GRK3: variants seen among roughly 807,000 people sequenced by gnomAD.
GRK3 encodes the protein G protein-coupled receptor kinase 3, also known as adrenergic, beta, receptor kinase 2.
In GRK3, 54 loss-of-function variants were observed where a neutral mutation model predicts 95.7. That is an observed-to-expected ratio of 0.56 (90% CI 0.45 to 0.71). GRK3 has a LOEUF of 0.71. GRK3 is among the 30% of genes least tolerant of loss of function. The pLI is 0.00. For synonymous variants in GRK3, 281 were observed against 290.8 expected (o/e 0.97, Z 0.34); for missense variants, 649 against 851.2 (o/e 0.76, Z 2.96).
rs895350261 is a variant in GRK3 at position 25,694,878 on chromosome 22, A to G, written c.1053-229A>G. 3.3e-5 allele frequency among the ~76,000 whole-genome samples: 5 copies of G among 152,184 alleles called. No individual in the cohort carries two copies. The East Asian group carries it at 7.7e-4, about 23-fold the overall frequency. On this transcript the variant is annotated intron_variant, in intron 12 of 20. Coordinates refer to ENST00000324198, the MANE Select transcript of GRK3 (RefSeq NM_005160.4). Reference sequence around the variant, plus strand: ...ATGAGATCCCGAACTTGCATTTTACATATTTATTTCATACGCTTATTTATG... The same window carrying G: ...ATGAGATCCCGAACTTGCATTTTACGTATTTATTTCATACGCTTATTTATG...
At chr22:25,641,426 CA>C (rs1276175770) in intron 2 of GRK3, among the ~76,000 whole-genome samples, 1 of 152,174 alleles carries the variant, frequency 6.6e-6, no homozygotes, top group African/African-American at 2.4e-5. Context: ...TTGTTACAGT[CA>C]ATGCTCTTGT....
intron 3 of GRK3, chr22:25,647,496 C>G: frequency 7.1e-7 from 1 of 1,408,432 alleles, no homozygotes; most frequent in Admixed American, 1.7e-5. Context: ...CTTCCTCATT[C>G]TCAGTGGTGC....
chr22:25,718,293 T>G lies in GRK3; in HGVS notation c.1703T>G (p.Leu568Arg). The G allele has an allele frequency of 6.2e-7, 1 of 1,614,160 alleles. No homozygotes were observed. The highest frequency in any genetic ancestry group is 8.5e-7 in the Non-Finnish European group (1 of 1,179,986). Residue 568 changes from leucine (L) to arginine (R), a missense_variant, in exon 19 of 21, where the codon CTG (leucine) becomes CGG (arginine). Leu to Arg is a moderately radical substitution (Grantham distance 102). Transcript: ENST00000324198. ...ATTATGCACGGGTACATGCTGAAAC[T>G]GGGAAACCCATTTCTGACTCAGTGG... ...DCIMHGYMLK[L>R]GNPFLTQWQR...
At chr22:25,619,712 G>A (rs1203095181) in intron 2 of GRK3, among the ~76,000 whole-genome samples, 1 of 134,006 alleles carries the variant, frequency 7.5e-6, no homozygotes, top group Non-Finnish European at 1.5e-5. Context: ...GGCTGGTTTC[G>A]AACTCCTGGC....
intron 3 of GRK3, chr22:25,647,259 A>G: frequency 3.5e-6 from 3 of 858,582 alleles, no homozygotes; most frequent in Non-Finnish European, 5.1e-6. Context: ...GACAGATTTG[A>G]TAATGGGCTG....
chr22:25,667,809 CTT>C lies in GRK3; in HGVS notation c.503+11_503+12del. 1 of 1,560,362 alleles carries C rather than the reference CTT, an allele frequency of 6.4e-7. No individual in the cohort carries two copies. Among genetic ancestry groups the C allele is most frequent in the Non-Finnish European group, 8.8e-7 (1 of 1,131,574 alleles). On this transcript the variant is annotated intron_variant, in intron 6 of 20. Coordinates refer to ENST00000324198, the MANE Select transcript of GRK3 (RefSeq NM_005160.4). ...CAAAAATTTATGGAAAGGTATGAAA[CTT>C]TATGCATATATATACACAATTTTTT...
intron 2 of GRK3, among the ~76,000 whole-genome samples, chr22:25,612,657 G>GT (rs1252333504): frequency 6.6e-6 from 1 of 151,846 alleles, no homozygotes; most frequent in African/African-American, 2.4e-5. Context: ...TTTCTTAAAT[G>GT]TTTTTTAAGT....
chr22:25,721,379 A>G lies in GRK3; in HGVS notation c.1887A>G (p.Gln629=), dbSNP rs1303859717. The G allele has an allele frequency of 6.3e-7, 1 of 1,586,518 alleles. No individual in the cohort carries two copies. Among genetic ancestry groups the G allele is most frequent in the Admixed American group, 1.7e-5 (1 of 57,704 alleles). ...TGTTCAGAATAAAAGGAGGGAAACA[A>G]TTTGTCTTGCAATGTGAGGTGAGTT... The part of the protein sequence containing the change: ...CILFRIKGGK[Q]FVLQCESDPE... Residue 629 remains glutamine, a synonymous_variant, in exon 20 of 21, where the codon CAA becomes CAG. Transcript: ENST00000324198.
At chr22:25,625,275 A>T (rs571443245) in intron 2 of GRK3, among the ~76,000 whole-genome samples, 84 of 152,290 alleles carry the variant, frequency 5.5e-4, no homozygotes, top group African/African-American at 2.0e-3. Context: ...GTTTGTAGCA[A>T]TTACTCTTTA....
intron 3 of GRK3, among the ~76,000 whole-genome samples, chr22:25,652,247 A>G (rs1331192515): frequency 1.3e-5 from 2 of 151,946 alleles, no homozygotes; most frequent in African/African-American, 4.8e-5. Context: ...ATCCTGGCTA[A>G]CACAGTGAAA....
chr22:25,704,160 G>A lies in GRK3; in HGVS notation c.1279G>A (p.Gly427Ser). The change falls in exon 15 of 21, where the codon GGC (glycine) becomes AGC (serine). Residue 427 changes from glycine to serine, a missense_variant. Physicochemically the swap from Gly to Ser is moderately conservative, Grantham distance 56. This residue lies in a region of GRK3 where 382 missense variants were observed against 493.8 expected (regional missense o/e 0.77). Coordinates refer to ENST00000324198, the MANE Select transcript of GRK3 (RefSeq NM_005160.4). ...TCCTGAACTGAAGTCCCTTTTGGAG[G>A]GCTTGCTTCAGCGAGACGTTAGCAA... ...FSPELKSLLE[G>S]LLQRDVSKRL... 1 of 1,613,658 alleles carries A rather than the reference G, an allele frequency of 6.2e-7. No individual in the cohort carries two copies. Among genetic ancestry groups the A allele is most frequent in the Non-Finnish European group, 8.5e-7 (1 of 1,179,798 alleles).
chr22:25,717,155 A>C (rs1056826742), intron 18 of GRK3, among the ~76,000 whole-genome samples: 8 of 152,064 alleles, frequency 5.3e-5, no homozygotes, highest in Non-Finnish European at 1.2e-4. Context: ...AGGTGATTTA[A>C]AGTTTGTAGG....
chr22:25,629,209 G>C (rs1196668803), intron 2 of GRK3, among the ~76,000 whole-genome samples: 2 of 152,124 alleles, frequency 1.3e-5, no homozygotes, highest in East Asian at 3.8e-4. Flanking sequence ...TGTGGTGCTC[G>C]CTTGAAGCCC....
intron 2 of GRK3, among the ~76,000 whole-genome samples, chr22:25,640,997 A>G (rs569653196): frequency 1.3e-5 from 2 of 152,182 alleles, no homozygotes; most frequent in Admixed American, 6.5e-5. Context: ...TTTGCTTTTT[A>G]TATAATTTAA....
intron 3 of GRK3, chr22:25,649,368 G>T: frequency 1.7e-6 from 1 of 583,450 alleles, no homozygotes; most frequent in Non-Finnish European, 3.0e-6. Flanking sequence ...TCCCAGATAT[G>T]GTTCCACAAA....
At chr22:25,648,545 A>G (rs2084804023) in intron 3 of GRK3, 1 of 1,447,680 alleles carries the variant, frequency 6.9e-7, no homozygotes, top group Non-Finnish European at 9.7e-7. Context: ...CAATGATGCC[A>G]GAAGCTTTTC....
At chr22:25,568,539 G>A (rs989122329) in intron 1 of GRK3, among the ~76,000 whole-genome samples, 2 of 152,134 alleles carry the variant, frequency 1.3e-5, no homozygotes. Flanking sequence ...TTTTCTAGGA[G>A]CACTGACAGT....
chr22:25,587,576 G>T (rs540649654), intron 1 of GRK3, among the ~76,000 whole-genome samples: 2 of 152,236 alleles, frequency 1.3e-5, no homozygotes, highest in South Asian at 2.1e-4. Flanking sequence ...CCACAGACAC[G>T]TACCACCATG....
intron 2 of GRK3, among the ~76,000 whole-genome samples, chr22:25,616,150 G>C (rs1319671644): frequency 6.6e-6 from 1 of 152,164 alleles, no homozygotes; most frequent in Non-Finnish European, 1.5e-5. Flanking sequence ...AGTGCTCCTG[G>C]ATCAGTCTGG....
Sources: gnomAD v4.1 joint callset for allele counts (sites outside exome capture counted in the v4.1 genomes callset) on GRCh38, gnomAD v4.1.1 for gene constraint, gnomAD v4.1.1 regional missense constraint, MANE v1.5 for transcripts, NCBI Gene and HGNC (gene_info 2026-07-23, HGNC 2026-07-21) for gene names.